Variants in OOSP2 observed in about 807,000 individuals in gnomAD.
OOSP2 encodes oocyte-secreted protein 2.
A neutral mutation model predicts 13.4 loss-of-function variants in OOSP2; 7 were observed. The observed-to-expected ratio is 0.52, with a 90% CI of 0.30 to 0.98. OOSP2 has a LOEUF of 0.98. Among genes scored for constraint, OOSP2 ranks in the 50% least tolerant of loss-of-function variants. OOSP2 has a pLI of 0.07. For synonymous variants in OOSP2, 75 were observed against 67.2 expected, an observed-to-expected ratio of 1.12 and a Z score of -0.57; for missense variants, 184 against 188.5, an observed-to-expected ratio of 0.98 and a Z score of 0.14.
At chr11:60,043,847 A>G (rs1854972911) in intron 2 of OOSP2, 200 bp downstream of exon 2, 1 of 396,712 alleles carries the variant, frequency 2.5e-6, no homozygotes, top group Admixed American at 3.8e-5. Flanking sequence ...CAGATTTATA[A>G]ATTGGCTAGG....
Position 60,047,137 on chromosome 11 carries a change from T to C in OOSP2, c.*64T>C. On this transcript the variant is annotated 3_prime_UTR_variant, in exon 4 of 4. Transcript: ENST00000278855. ...ATTTTGCAGGAAAACAGTTTCATTT[T>C]TTCATAGCAAAAATATAGTTGGTGT... 7.2e-7 allele frequency: 1 copy of C among 1,387,196 alleles called. No individual in the cohort carries two copies. The highest frequency in any genetic ancestry group is 2.1e-5 in the Admixed American group (1 of 46,614). 85.9% of individuals were successfully genotyped at this position (1,387,196 alleles called of 1,614,324 possible).
In OOSP2 at chr11:60,043,537, T is replaced by C; in HGVS notation, c.133T>C (p.Tyr45His). 2 of 1,612,410 alleles carry C rather than the reference T, an allele frequency of 1.2e-6. No homozygotes were observed. The highest frequency in any genetic ancestry group is 1.7e-6 in the Non-Finnish European group (2 of 1,178,478). Reference sequence around the variant, plus strand: ...CCCAGTTGCAGAAAGCAGAAATCTGTATATATTTGCGGATGAATTACATCT... The same window carrying C: ...CCCAGTTGCAGAAAGCAGAAATCTGCATATATTTGCGGATGAATTACATCT... ...VIPVAESRNL[Y>H]IFADELHLGM... The change falls in exon 2 of 4, where the codon TAT (tyrosine) becomes CAT (histidine). Residue 45 changes from tyrosine to histidine, a missense_variant. Coordinates refer to ENST00000278855, the MANE Select transcript of OOSP2 (RefSeq NM_173801.5).
Position 60,044,576 on chromosome 11 carries a change from T to C in OOSP2, c.244-95T>C, listed in dbSNP as rs1016083897. The C allele has an allele frequency of 5.4e-6, 3 of 551,630 alleles. No homozygotes were observed. In the African/African-American group the frequency reaches 5.7e-5, roughly 10 times the overall value. The allele number at this position is 551,630 out of a possible 1,614,324, so 34.2% of individuals were successfully genotyped here. On this transcript the variant is annotated intron_variant, in intron 2 of 3. Coordinates refer to ENST00000278855, the MANE Select transcript of OOSP2 (RefSeq NM_173801.5). ...TATTTAAGAATGACAGTAGCCATTT[T>C]TGAGATCATGAATGTTTTTTACATC... is the stretch of plus-strand genomic sequence containing the variant.
chr11:60,044,877 C>T, intron 3 of OOSP2, 103 bp downstream of exon 3: 1 of 515,280 alleles, frequency 1.9e-6, no homozygotes, highest in Non-Finnish European at 3.5e-6. Flanking sequence ...ACATGATTCA[C>T]CCATAAGTAT....
chr11:60,040,503 C>A lies in OOSP2; in HGVS notation c.44C>A (p.Thr15Asn). ...VLMLLAVLIWTGAENLHVKIS... is the reference protein window; with the variant it reads ...VLMLLAVLIWNGAENLHVKIS... ...ATGCTCCTCGCTGTCTTGATTTGGA[C>A]CGGTGCTGAGAACCTCCATGGTAAA... is the stretch of plus-strand genomic sequence containing the variant. The change falls in exon 1 of 4, where the codon ACC becomes AAC. Residue 15 changes from threonine to asparagine, a missense_variant. Thr to Asn is a moderately conservative substitution (Grantham distance 65). Coordinates refer to ENST00000278855, the MANE Select transcript of OOSP2 (RefSeq NM_173801.5). 1.3e-6 allele frequency: 2 copies of A among 1,598,088 alleles called. No homozygotes were observed. Among genetic ancestry groups the A allele is most frequent in the Non-Finnish European group, 1.7e-6 (2 of 1,165,370 alleles).
At chr11:60,041,135 A>C (rs1324001158) in intron 1 of OOSP2, among the ~76,000 whole-genome samples, 1 of 152,238 alleles carries the variant, frequency 6.6e-6, no homozygotes, top group African/African-American at 2.4e-5. Context: ...TCTGTAAAGT[A>C]GCATTTCAAT....
chr11:60,041,683 T>G (rs1451919622), intron 1 of OOSP2, among the ~76,000 whole-genome samples: 1 of 151,456 alleles, frequency 6.6e-6, no homozygotes, highest in Non-Finnish European at 1.5e-5. Context: ...AAACCTCGTC[T>G]CTACTAAAAA....
chr11:60,041,988 T>C (rs1854937981), intron 1 of OOSP2, among the ~76,000 whole-genome samples: 1 of 143,310 alleles, frequency 7.0e-6, no homozygotes, highest in South Asian at 2.2e-4. Flanking sequence ...GGCGGGTGCC[T>C]GTAGCCTGTA....
intron 3 of OOSP2, among the ~76,000 whole-genome samples, chr11:60,045,105 A>C (rs1293696891): frequency 6.6e-6 from 1 of 151,870 alleles, no homozygotes; most frequent in Non-Finnish European, 1.5e-5. Flanking sequence ...AGGATTAAGC[A>C]CTGATATTAT....
chr11:60,042,131 C>CA (rs368450642), intron 1 of OOSP2, among the ~76,000 whole-genome samples: 68 of 151,972 alleles, frequency 4.5e-4, no homozygotes, highest in Non-Finnish European at 1.3e-4. Context: ...AACAAACAAA[C>CA]AAAAAAACCC....
intron 1 of OOSP2, among the ~76,000 whole-genome samples, chr11:60,041,480 G>T (rs1854926927): frequency 6.6e-6 from 1 of 152,148 alleles, no homozygotes; most frequent in Non-Finnish European, 1.5e-5. Flanking sequence ...AGCAAAGGAA[G>T]ATTCTGCTGC....
chr11:60,044,387 G>C (rs557734127), intron 2 of OOSP2, among the ~76,000 whole-genome samples: 10 of 152,270 alleles, frequency 6.6e-5, no homozygotes, highest in Admixed American at 3.9e-4. Context: ...CTTTCTCAAA[G>C]GAACTGTTGG....
rs528240421 is a variant in OOSP2, at chr11:60,043,018, C to T, written c.65-451C>T. On this transcript the variant is annotated intron_variant, in intron 1 of 3. Transcript: ENST00000278855. ...CTCCTGGGTTCTCGCCGTTCTCCTG[C>T]CTCAGCCTCCCGAGTAGCTGGGACT... Among the ~76,000 whole-genome samples, 9 of 152,194 alleles carry T rather than the reference C, an allele frequency of 5.9e-5. No individual in the cohort carries two copies. The South Asian group carries it at 1.9e-3, about 32-fold the overall frequency.
At chr11:60,046,511 T>C (rs1488440781) in intron 3 of OOSP2, among the ~76,000 whole-genome samples, 5 of 152,212 alleles carry the variant, frequency 3.3e-5, no homozygotes, top group African/African-American at 7.2e-5. Context: ...AATTTTAATG[T>C]TGTAGTCTCT....
intron 1 of OOSP2, among the ~76,000 whole-genome samples, chr11:60,042,019 T>G (rs1435069347): frequency 6.6e-6 from 1 of 151,890 alleles, no homozygotes; most frequent in African/African-American, 2.4e-5. Flanking sequence ...CTCGGGAGGC[T>G]GAGGCAGGAG....
At chr11:60,042,991 G>A (rs542158802) in intron 1 of OOSP2, among the ~76,000 whole-genome samples, 15 of 151,778 alleles carry the variant, frequency 9.9e-5, no homozygotes, top group East Asian at 5.8e-4. Flanking sequence ...TGCAAGCCCC[G>A]CCTCCTGGGT....
At chr11:60,041,149 A>T (rs1227828143) in intron 1 of OOSP2, among the ~76,000 whole-genome samples, 2 of 152,040 alleles carry the variant, frequency 1.3e-5, no homozygotes, top group Non-Finnish European at 2.9e-5. Context: ...TTTCAATATT[A>T]CTTTTTATGT....
rs563065620 is a variant in OOSP2 at position 60,046,341 on chromosome 11, T to C, written c.348-603T>C. On this transcript the variant is annotated intron_variant, in intron 3 of 3. Transcript: ENST00000278855. ...GGAGCAACACAGAGTTCTGATCTAA[T>C]GCCTCAGAACTACTGCCTTTCCGTA... Among the ~76,000 whole-genome samples the C allele has an allele frequency of 7.2e-5, 11 of 152,302 alleles. No individual in the cohort carries two copies. The East Asian group carries it at 2.1e-3, about 29-fold the overall frequency.
At chr11:60,044,968 T>C (rs1347793018) in intron 3 of OOSP2, among the ~76,000 whole-genome samples, 194 bp downstream of exon 3, 3 of 152,112 alleles carry the variant, frequency 2.0e-5, no homozygotes, top group Non-Finnish European at 4.4e-5. Context: ...TTGAATGTAA[T>C]GTTTATTTTA....
Sources: allele counts gnomAD v4.1 joint callset (sites outside exome capture counted in the v4.1 genomes callset), GRCh38; gene constraint gnomAD v4.1.1; transcripts MANE v1.5; gene names NCBI Gene and HGNC (gene_info 2026-07-23, HGNC 2026-07-21).